OTUD7B: variants seen among roughly 807,000 people sequenced by gnomAD.
OTUD7B encodes the protein OTU deubiquitinase 7B.
OTUD7B carries 34 observed loss-of-function variants against 82.2 expected under a neutral mutation model. That is an observed-to-expected ratio of 0.41 (90% confidence interval 0.31 to 0.55). OTUD7B has a LOEUF of 0.55. OTUD7B is among the 20% of genes least tolerant of loss of function. OTUD7B has a pLI of 0.20. For missense variants in OTUD7B, 944 were observed against 1,062.1 expected, an observed-to-expected ratio of 0.89 and a Z score of 1.55; for synonymous variants, 398 against 402.7, an observed-to-expected ratio of 0.99 and a Z score of 0.14.
rs1553770354 is a variant in OTUD7B at position 149,941,287 on chromosome 1, G to C, written c.*2570C>G. The C allele has an allele frequency of 6.6e-6, 1 of 152,050 alleles. No homozygotes were observed. The highest frequency in any genetic ancestry group is 1.5e-5 in the Non-Finnish European group (1 of 67,994). The allele number at this position is 152,050 out of a possible 1,614,324, so 9.4% of individuals were successfully genotyped here. A position where few individuals can be genotyped will look rare whatever the true frequency, so the allele number is the denominator to read the frequency against. On this transcript the variant is annotated 3_prime_UTR_variant, in exon 12 of 12. Coordinates refer to ENST00000581312, the MANE Select transcript of OTUD7B (RefSeq NM_020205.4). ...TCCAGTGGAGAATCAAAACTTTTCC[G>C]GCTTTATTCTCTGGGAAAACCCCTG...
chr1:150,033,650 AT>A, the OTUD7B span, among the ~76,000 whole-genome samples: 3 of 152,132 alleles, frequency 2.0e-5, no homozygotes, highest in African/African-American at 7.2e-5. Flanking sequence ...CGTAGCAAGC[AT>A]TTTGCCTTCA....
rs1054270290 is a variant in OTUD7B at position 149,949,563 on chromosome 1, A to C, written c.1123+66T>G. On this transcript the variant is annotated intron_variant, in intron 9 of 11. Transcript: ENST00000581312. The stretch of plus-strand genomic sequence containing the variant: ...GCATGTCACTTAATTCTTTCCTCCT[A>C]CATTAGATCTCATTCAATTTTTTCA... The C allele has an allele frequency of 3.3e-6, 5 of 1,524,648 alleles. No individual in the cohort carries two copies. The African/African-American group carries it at 5.5e-5, about 17-fold the overall frequency. The allele number at this position is 1,524,648 out of a possible 1,614,324, so 94.4% of individuals were successfully genotyped here.
At chr1:150,044,478 G>T in the OTUD7B span, among the ~76,000 whole-genome samples, 1 of 152,080 alleles carries the variant, frequency 6.6e-6, no homozygotes, top group African/African-American at 2.4e-5. Context: ...AAAGTGTTGG[G>T]ATTACAGGCA....
At chr1:149,965,673 A>AT in intron 5 of OTUD7B, 104 bp downstream of exon 5, 1 of 791,072 alleles carries the variant, frequency 1.3e-6, no homozygotes, top group Non-Finnish European at 2.1e-6. Flanking sequence ...CTGAACCATC[A>AT]TTTCCGCCTA....
the OTUD7B span, among the ~76,000 whole-genome samples, chr1:150,016,250 T>C: frequency 6.6e-6 from 1 of 152,148 alleles, no homozygotes; most frequent in African/African-American, 2.4e-5. Flanking sequence ...TCAGTGTCAA[T>C]GGATAAACTG....
chr1:149,976,633 AC>A (rs1559849687), intron 2 of OTUD7B, among the ~76,000 whole-genome samples: 2 of 102,640 alleles, frequency 1.9e-5, no homozygotes, highest in Non-Finnish European at 3.8e-5. Flanking sequence ...AAAAAAAAAT[AC>A]TAGAACATTC....
intron 7 of OTUD7B, among the ~76,000 whole-genome samples, chr1:149,955,170 T>G (rs1384919846): frequency 6.6e-6 from 1 of 152,226 alleles, no homozygotes; most frequent in Non-Finnish European, 1.5e-5. Flanking sequence ...CTTTCTCTTG[T>G]GGGCATTTAG....
At chr1:150,065,330 C>A in the OTUD7B span, among the ~76,000 whole-genome samples, 1 of 152,196 alleles carries the variant, frequency 6.6e-6, no homozygotes, top group Admixed American at 6.5e-5. Context: ...TCGCCTTGGC[C>A]TTCCAAAGTG....
chr1:150,057,031 A>G, the OTUD7B span, among the ~76,000 whole-genome samples: 16 of 152,190 alleles, frequency 1.1e-4, no homozygotes, highest in African/African-American at 2.2e-4. Context: ...ACACCAGGTA[A>G]ACCAAGTGAT....
At chr1:150,021,086 A>AT in the OTUD7B span, among the ~76,000 whole-genome samples, 6 of 152,140 alleles carry the variant, frequency 3.9e-5, no homozygotes, top group Admixed American at 1.3e-4. Context: ...TATTTTGAAG[A>AT]TTTTTTTAAT....
At chr1:150,047,111 C>T in the OTUD7B span, among the ~76,000 whole-genome samples, 1 of 152,010 alleles carries the variant, frequency 6.6e-6, no homozygotes, top group Non-Finnish European at 1.5e-5. Flanking sequence ...CTAGGTCCTA[C>T]ACCAACTATT....
the OTUD7B span, among the ~76,000 whole-genome samples, chr1:150,016,640 C>T: frequency 5.3e-5 from 8 of 151,838 alleles, no homozygotes; most frequent in African/African-American, 1.7e-4. Context: ...TTAGTAGACA[C>T]GGGGTTTCAC....
the OTUD7B span, among the ~76,000 whole-genome samples, chr1:150,046,842 G>A: frequency 6.6e-5 from 10 of 151,734 alleles, no homozygotes; most frequent in East Asian, 1.4e-3. Flanking sequence ...AGGCTGAGGC[G>A]GGCAGATCAC....
At chr1:149,952,026 T>C (rs1369195343) in intron 7 of OTUD7B, among the ~76,000 whole-genome samples, 1 of 152,076 alleles carries the variant, frequency 6.6e-6, no homozygotes, top group African/African-American at 2.4e-5. Context: ...TAGAGTAGCA[T>C]GGGAACTGCT....
chr1:150,030,718 T>G, the OTUD7B span, among the ~76,000 whole-genome samples: 1 of 152,198 alleles, frequency 6.6e-6, no homozygotes, highest in South Asian at 2.1e-4. Context: ...CCACTTGAAT[T>G]GGGCTTCCAT....
chr1:150,022,102 A>C, the OTUD7B span, among the ~76,000 whole-genome samples: 7 of 152,176 alleles, frequency 4.6e-5, no homozygotes, highest in Non-Finnish European at 7.3e-5. Flanking sequence ...CAAATACTGT[A>C]AAATCTCATG....
intron 1 of OTUD7B, among the ~76,000 whole-genome samples, chr1:150,002,208 C>CTTTTTT (rs35291427): frequency 6.7e-6 from 1 of 149,104 alleles, no homozygotes; most frequent in Non-Finnish European, 1.5e-5. Context: ...TTTAGATATT[C>CTTTTTT]TTTTTTTTTT....
At chr1:150,054,328 C>G in the OTUD7B span, 1 of 512,668 alleles carries the variant, frequency 2.0e-6, no homozygotes, top group East Asian at 5.1e-5. Context: ...TCACTGAAAG[C>G]CACAGGGGCA....
the OTUD7B span, among the ~76,000 whole-genome samples, chr1:150,051,926 G>T: frequency 6.6e-6 from 1 of 152,102 alleles, no homozygotes; most frequent in Non-Finnish European, 1.5e-5. Flanking sequence ...GACAGATCAG[G>T]AATGAGCCAT....
Sources: allele counts gnomAD v4.1 joint callset (sites outside exome capture counted in the v4.1 genomes callset), GRCh38; gene constraint gnomAD v4.1.1; transcripts MANE v1.5; gene names NCBI Gene and HGNC (gene_info 2026-07-23, HGNC 2026-07-21).